ZRANB3: variants seen among roughly 807,000 people sequenced by gnomAD.
ZRANB3 encodes DNA annealing helicase and endonuclease ZRANB3.
In ZRANB3, 125 loss-of-function variants were observed where a neutral mutation model predicts 133.8. That is an observed-to-expected ratio of 0.93 (90% CI 0.81 to 1.08). ZRANB3 has a LOEUF of 1.08. ZRANB3 is among the 50% of genes least tolerant of loss of function. The pLI is 0.00. For missense variants in ZRANB3, 1,229 were observed against 1,275.5 expected (o/e 0.96, Z 0.56); for synonymous variants, 387 against 432.7 (o/e 0.89, Z 1.31).
intron 12 of ZRANB3, among the ~76,000 whole-genome samples, chr2:135,257,764 T>C (rs1032634340): frequency 6.6e-6 from 1 of 152,222 alleles, no homozygotes; most frequent in African/African-American, 2.4e-5. Flanking sequence ...TTTTTCAATG[T>C]TGTATTCATT....
chr2:135,249,519 C>T (rs972568590), intron 12 of ZRANB3, among the ~76,000 whole-genome samples: 2 of 152,206 alleles, frequency 1.3e-5, no homozygotes, highest in Admixed American at 6.5e-5. Flanking sequence ...ACCACGTTCT[C>T]ACTTATAAGT....
chr2:135,421,680 T>C (rs1255915244), intron 2 of ZRANB3, among the ~76,000 whole-genome samples: 1 of 152,154 alleles, frequency 6.6e-6, no homozygotes, highest in African/African-American at 2.4e-5. Flanking sequence ...GTTGCTTCCA[T>C]TTTTCACTAT....
intron 3 of ZRANB3, among the ~76,000 whole-genome samples, chr2:135,355,653 G>A (rs1410556896): frequency 2.6e-5 from 4 of 151,988 alleles, no homozygotes; most frequent in African/African-American, 2.4e-5. Context: ...CACCGCGCCC[G>A]GCCAACAATT....
intron 2 of ZRANB3, among the ~76,000 whole-genome samples, chr2:135,420,059 T>C (rs1688765102): frequency 6.9e-6 from 1 of 145,816 alleles, no homozygotes; most frequent in Admixed American, 7.0e-5. Context: ...ACATTTTAGA[T>C]TTTACGTAAG....
At chr2:135,427,180 T>C (rs1284920902) in intron 2 of ZRANB3, among the ~76,000 whole-genome samples, 2 of 151,072 alleles carry the variant, frequency 1.3e-5, no homozygotes, top group Non-Finnish European at 2.9e-5. Flanking sequence ...CTCTCACCAC[T>C]CCTATTCCAC....
At chr2:135,226,645 T>C (rs891736820) in intron 14 of ZRANB3, among the ~76,000 whole-genome samples, 3 of 152,198 alleles carry the variant, frequency 2.0e-5, no homozygotes, top group Non-Finnish European at 4.4e-5. Context: ...AAGAGATCAA[T>C]GTACAACTAA....
chr2:135,524,270 CG>C (rs1694061536), intron 1 of ZRANB3, among the ~76,000 whole-genome samples: 1 of 151,940 alleles, frequency 6.6e-6, no homozygotes, highest in Non-Finnish European at 1.5e-5. Flanking sequence ...TTAGTAGAGA[CG>C]GGGTTTCACC....
At chr2:135,254,896 A>G (rs766552032) in intron 12 of ZRANB3, among the ~76,000 whole-genome samples, 161 of 151,904 alleles carry the variant, frequency 1.1e-3, no homozygotes, top group Non-Finnish European at 2.1e-3. Flanking sequence ...GACTACAGGC[A>G]CACACCGCCA....
At chr2:135,381,534 G>A (rs905733746) in intron 3 of ZRANB3, among the ~76,000 whole-genome samples, 13 of 152,178 alleles carry the variant, frequency 8.5e-5, no homozygotes, top group Admixed American at 1.3e-4. Flanking sequence ...ATCTGAGAAC[G>A]GATAGACTGC....
chr2:135,497,229 TTGATAAATGACTTC>T (rs1692713217), intron 2 of ZRANB3, among the ~76,000 whole-genome samples: 1 of 152,180 alleles, frequency 6.6e-6, no homozygotes, highest in Admixed American at 6.5e-5. Context: ...TTTGTGAAAA[TTGATAAATGACTTC>T]TACAATTTAT....
At position 135,230,553 on chromosome 2, in the gene ZRANB3, T is replaced by C; in HGVS notation, c.1914A>G (p.Leu638=). The change falls in exon 13 of 21, where the codon TTA becomes TTG. Residue 638 remains leucine, a synonymous_variant. Transcript: ENST00000264159. ...SLCTYINNSE[L]PYCEMCETPQ... ...GAGTCTCACACATTTCACAATAAGGTAACTCTGAATTATTGATATAGGTGC... is the reference window on the plus strand; with the variant it reads ...GAGTCTCACACATTTCACAATAAGGCAACTCTGAATTATTGATATAGGTGC... 4.5e-6 allele frequency: 7 copies of C among 1,564,542 alleles called. No homozygotes were observed. The highest frequency in any genetic ancestry group is 6.0e-6 in the Non-Finnish European group (7 of 1,160,316).
intron 3 of ZRANB3, among the ~76,000 whole-genome samples, chr2:135,379,349 G>A (rs1686581468): frequency 1.3e-5 from 2 of 152,074 alleles, no homozygotes; most frequent in African/African-American, 2.4e-5. Context: ...ATTCCTTTGA[G>A]CCCTATGTCT....
intron 2 of ZRANB3, among the ~76,000 whole-genome samples, chr2:135,478,698 T>A (rs762903618): frequency 1.3e-5 from 2 of 152,116 alleles, no homozygotes; most frequent in Non-Finnish European, 2.9e-5. Context: ...TTTTCCACTA[T>A]GTGAATATAC....
At chr2:135,470,475 C>A (rs535624922) in intron 2 of ZRANB3, among the ~76,000 whole-genome samples, 1 of 152,194 alleles carries the variant, frequency 6.6e-6, no homozygotes, top group Non-Finnish European at 1.5e-5. Context: ...CACCTGAAGT[C>A]AGGAGTTTGA....
At chr2:135,383,799 A>T (rs1376525683) in intron 3 of ZRANB3, among the ~76,000 whole-genome samples, 1 of 152,230 alleles carries the variant, frequency 6.6e-6, no homozygotes, top group Non-Finnish European at 1.5e-5. Context: ...AACCAACGAG[A>T]ACAAAGACAC....
intron 2 of ZRANB3, among the ~76,000 whole-genome samples, chr2:135,435,156 G>A (rs1209389298): frequency 1.3e-5 from 2 of 151,592 alleles, no homozygotes; most frequent in Non-Finnish European, 2.9e-5. Flanking sequence ...CTCCCCCTTC[G>A]AGTAGACCCC....
chr2:135,457,504 G>C (rs1299134516), intron 2 of ZRANB3, among the ~76,000 whole-genome samples: 1 of 152,064 alleles, frequency 6.6e-6, no homozygotes, highest in South Asian at 2.1e-4. Flanking sequence ...ATCCTCATGG[G>C]TAAGATTAAA....
At chr2:135,456,962 C>T (rs149736627) in intron 2 of ZRANB3, among the ~76,000 whole-genome samples, 1,679 of 152,326 alleles carry the variant, frequency 0.011, 18 homozygotes, top group Middle Eastern at 0.037. Flanking sequence ...ATATAATTCA[C>T]TTGCCCTGAA....
At chr2:135,209,808 A>G (rs1422896094) in intron 17 of ZRANB3, among the ~76,000 whole-genome samples, 1 of 152,218 alleles carries the variant, frequency 6.6e-6, no homozygotes, top group Non-Finnish European at 1.5e-5. Context: ...TTAATTAGGC[A>G]GCTTGACAAT....
Sources: allele counts gnomAD v4.1 joint callset (sites outside exome capture counted in the v4.1 genomes callset), GRCh38; gene constraint gnomAD v4.1.1; transcripts MANE v1.5; gene names NCBI Gene and HGNC (gene_info 2026-07-23, HGNC 2026-07-21).